USP50: variants seen among roughly 807,000 people sequenced by gnomAD.
USP50 encodes ubiquitin specific peptidase 50.
In USP50, 37 loss-of-function variants were observed where a neutral mutation model predicts 39.2. That is an observed-to-expected ratio of 0.94 (90% CI 0.73 to 1.24). The LOEUF is 1.24. USP50 is among the 50% of genes most tolerant of loss of function. The pLI, the probability that USP50 is intolerant of heterozygous loss-of-function variation, is 0.00. For synonymous variants in USP50, 139 were observed against 144.5 expected (o/e 0.96, Z 0.27); for missense variants, 374 against 398.2 (o/e 0.94, Z 0.52).
chr15:50,529,690 A>G, intron 6 of USP50, 107 bp downstream of exon 6: 3 of 1,283,538 alleles, frequency 2.3e-6, no homozygotes, highest in Non-Finnish European at 3.2e-6. Flanking sequence ...ATATTTTTTA[A>G]AAGTAGGGCA....
At chr15:50,530,945 G>T (rs61532847) in intron 5 of USP50, among the ~76,000 whole-genome samples, 2,475 of 149,782 alleles carry the variant, frequency 0.017, 79 homozygotes, top group African/African-American at 0.058. Context: ...GTTTTTGTTT[G>T]TTTTTTTTTA....
chr15:50,543,863 G>C, intron 2 of USP50, 70 bp from the exon 3 acceptor site: 2 of 1,463,186 alleles, frequency 1.4e-6, no homozygotes, highest in Non-Finnish European at 1.9e-6. Flanking sequence ...CCCAAGCCTA[G>C]GAAATTAGTC....
At chr15:50,539,915 G>GGAA (rs1297284438) in intron 4 of USP50, among the ~76,000 whole-genome samples, 12 of 152,088 alleles carry the variant, frequency 7.9e-5, no homozygotes, top group African/African-American at 2.9e-4. Flanking sequence ...ACCATTAACT[G>GGAA]GAAGAAGAAG....
At chr15:50,512,326 A>T (rs1327063544) in intron 6 of USP50, 1 of 130,138 alleles carries the variant, frequency 7.7e-6, no homozygotes, top group Non-Finnish European at 1.6e-5. Flanking sequence ...AGACTCTGTT[A>T]AAAAAAAAAA....
chr15:50,538,540 A>T (rs1416595391), intron 5 of USP50, among the ~76,000 whole-genome samples, 169 bp downstream of exon 5: 1 of 152,154 alleles, frequency 6.6e-6, no homozygotes, highest in Non-Finnish European at 1.5e-5. Context: ...CTAAAATGGC[A>T]CAGTTTTGTG....
intron 5 of USP50, among the ~76,000 whole-genome samples, chr15:50,534,215 GTATCTT>G (rs1486442094): frequency 6.6e-6 from 1 of 152,080 alleles, no homozygotes; most frequent in Non-Finnish European, 1.5e-5. Context: ...ATATTCTTGT[GTATCTT>G]TATATATAAG....
At chr15:50,510,603 TG>T (rs1302164777) in intron 6 of USP50, 1 of 152,236 alleles carries the variant, frequency 6.6e-6, no homozygotes, top group Non-Finnish European at 1.5e-5. Context: ...GGGATTATTT[TG>T]ATCTATGAAG....
chr15:50,494,930 G>A (rs528787180), intron 1 of USP50, among the ~76,000 whole-genome samples: 26 of 151,514 alleles, frequency 1.7e-4, no homozygotes, highest in Admixed American at 1.5e-3. Flanking sequence ...CAGGAGAATC[G>A]CTTGAACCTG....
intron 1 of USP50, among the ~76,000 whole-genome samples, chr15:50,494,492 G>T (rs1249874596): frequency 2.0e-5 from 3 of 152,194 alleles, no homozygotes; most frequent in Non-Finnish European, 4.4e-5. Flanking sequence ...GTATTGCTGA[G>T]AAATTTGCAA....
intron 3 of USP50, among the ~76,000 whole-genome samples, chr15:50,541,564 G>A (rs1347939322): frequency 6.6e-6 from 1 of 151,718 alleles, no homozygotes; most frequent in African/African-American, 2.4e-5. Flanking sequence ...TTTTCTATCA[G>A]AATGAGACAT....
rs1367650197 is a variant in USP50, at chr15:50,543,741, G to C, written c.301C>G (p.Leu101Val). 6.2e-7 allele frequency: 1 copy of C among 1,610,410 alleles called. No homozygotes were observed. The highest frequency in any genetic ancestry group is 1.3e-5 in the African/African-American group (1 of 74,874). ...GGTGAGACACAGTCTGAGTCTCCCA[G>C]CCACATGTCTGTCATCAGATAGGCA... ...AFAYLMTDMWLGDSDCVSPEI... is the reference protein window; with the variant it reads ...AFAYLMTDMWVGDSDCVSPEI... The change falls in exon 3 of 7, where the codon CTG (leucine) becomes GTG (valine). Residue 101 changes from leucine to valine, a missense_variant. Leu to Val is a conservative substitution (Grantham distance 32). Transcript: ENST00000532404.
intron 1 of USP50, among the ~76,000 whole-genome samples, 163 bp from the exon 2 acceptor site, chr15:50,544,944 A>C (rs2053060259): frequency 1.3e-5 from 2 of 152,202 alleles, no homozygotes; most frequent in East Asian, 3.8e-4. Context: ...TTGGAGTCTA[A>C]AATTGTATTA....
chr15:50,543,691 G>T lies in USP50; in HGVS notation c.351C>A (p.Gly117=), dbSNP rs549989988. 7.4e-6 allele frequency: 12 copies of T among 1,612,866 alleles called. No homozygotes were observed. In the South Asian group the frequency reaches 1.3e-4, roughly 18 times the overall value. ...TTTTCGTAAATGCTGGGTAGAGGTTGCCAAGAGCTGACCAGAATATTTCTG... is the reference window on the plus strand; with the variant it reads ...TTTTCGTAAATGCTGGGTAGAGGTTTCCAAGAGCTGACCAGAATATTTCTG... ...VSPEIFWSAL[G]NLYPAFTKKM... is the part of the protein sequence containing the mutation. Residue 117 remains glycine (G), a synonymous_variant, in exon 3 of 7, where the codon GGC becomes GGA. Transcript: ENST00000532404.
At chr15:50,517,934 C>T (rs2052816124) in intron 6 of USP50, among the ~76,000 whole-genome samples, 1 of 152,194 alleles carries the variant, frequency 6.6e-6, no homozygotes, top group Non-Finnish European at 1.5e-5. Context: ...TGGTCTCTAA[C>T]TACTGGGCTC....
intron 6 of USP50, chr15:50,503,323 C>G (rs1387348755): frequency 6.6e-6 from 1 of 152,346 alleles, no homozygotes; most frequent in Non-Finnish European, 1.5e-5. Context: ...CCAGCCTGGG[C>G]GGAGCCCTAA....
chr15:50,493,406 C>T (rs773446363), downstream of USP50: 10 of 519,028 alleles, frequency 1.9e-5, no homozygotes, highest in East Asian at 5.4e-4. Context: ...ATAGTACTTA[C>T]CACTCAGCTC....
At chr15:50,545,256 C>G (rs57526668) in intron 1 of USP50, among the ~76,000 whole-genome samples, 2,201 of 152,004 alleles carry the variant, frequency 0.014, 62 homozygotes, top group African/African-American at 0.052. Context: ...AAAACAATAG[C>G]TATCAGGTAG....
intron 3 of USP50, among the ~76,000 whole-genome samples, chr15:50,542,736 A>C (rs1321523135): frequency 6.6e-6 from 1 of 151,824 alleles, no homozygotes; most frequent in Non-Finnish European, 1.5e-5. Flanking sequence ...TGATCCACCC[A>C]CCTCAGCCTC....
intron 6 of USP50, chr15:50,512,650 C>G (rs1041607402): frequency 6.6e-6 from 1 of 151,836 alleles, no homozygotes; most frequent in African/African-American, 2.4e-5. Context: ...AAAAATTAGC[C>G]AGGCATGGTG....
Sources: allele counts gnomAD v4.1 joint callset (sites outside exome capture counted in the v4.1 genomes callset), GRCh38; gene constraint gnomAD v4.1.1; transcripts MANE v1.5; gene names NCBI Gene and HGNC (gene_info 2026-07-23, HGNC 2026-07-21).